PAK6: variants seen among roughly 807,000 people sequenced by gnomAD.
The protein encoded by PAK6 is serine/threonine-protein kinase PAK 6.
A neutral mutation model predicts 60.8 loss-of-function variants in PAK6; 33 were observed. That is an observed-to-expected ratio of 0.54 (90% CI 0.41 to 0.73). PAK6 has a LOEUF of 0.73. PAK6 is among the 30% of genes least tolerant of loss of function. The pLI is 0.00. For missense variants in PAK6, 845 were observed against 904.1 expected (o/e 0.93, Z 0.84); for synonymous variants, 404 against 378.5 (o/e 1.07, Z -0.78).
At chr15:40,253,233 A>G (rs772567813) in exon 3 of PAK6, 1 of 456,070 alleles carries the variant, frequency 2.2e-6, no homozygotes, top group South Asian at 1.5e-5. Context: ...TCAGCGCCTA[A>G]GAGAGAGGCC....
intron 3 of PAK6, among the ~76,000 whole-genome samples, chr15:40,255,428 G>A (rs1306342290): frequency 2.0e-5 from 3 of 152,198 alleles, no homozygotes; most frequent in African/African-American, 4.8e-5. Flanking sequence ...AAGTGGGACA[G>A]CAGAGCCTCA....
At chr15:40,256,345 G>A (rs988519200) in intron 3 of PAK6, among the ~76,000 whole-genome samples, 3 of 152,178 alleles carry the variant, frequency 2.0e-5, no homozygotes, top group Non-Finnish European at 4.4e-5. Context: ...CTCAGCCAAG[G>A]GGTCAGGTGA....
chr15:40,253,124 G>T (rs1267440874), intron 2 of PAK6, 54 bp from the exon 3 acceptor site: 1 of 436,028 alleles, frequency 2.3e-6, no homozygotes, highest in Non-Finnish European at 4.7e-6. Context: ...CGCAACACCC[G>T]CGGGAACACT....
At chr15:40,264,256 A>T (rs1034644250) in intron 3 of PAK6, among the ~76,000 whole-genome samples, 1 of 152,102 alleles carries the variant, frequency 6.6e-6, no homozygotes, top group Non-Finnish European at 1.5e-5. Flanking sequence ...AATAACTTTA[A>T]TATACTGTTG....
rs267604171 is a variant in PAK6, at chr15:40,272,420, C to T, written c.1055C>T (p.Pro352Leu). The change falls in exon 6 of 11, where the codon CCC becomes CTC. Residue 352 changes from proline (P) to leucine (L), a missense_variant. Pro to Leu is a moderately conservative substitution (Grantham distance 98). Coordinates refer to ENST00000560346, the Ensembl canonical transcript of PAK6. The stretch of plus-strand genomic sequence containing the variant: ...GGCCGGTCTTCCCCAGCGGGATCCC[C>T]CCGCACCTGGCACGCCCAGATCAGC... The T allele has an allele frequency of 8.7e-6, 14 of 1,613,514 alleles. No individual in the cohort carries two copies. In the South Asian group the frequency reaches 1.3e-4, roughly 15 times the overall value.
At chr15:40,243,741 G>A (rs543839077) in intron 2 of PAK6, among the ~76,000 whole-genome samples, 25 of 152,320 alleles carry the variant, frequency 1.6e-4, no homozygotes, top group African/African-American at 6.0e-4. Flanking sequence ...CATATTGTTT[G>A]TCCACTGAGG....
intron 2 of PAK6, among the ~76,000 whole-genome samples, chr15:40,243,918 T>C (rs2038426218): frequency 6.6e-6 from 1 of 152,170 alleles, no homozygotes; most frequent in Non-Finnish European, 1.5e-5. Flanking sequence ...CCTAACTGCA[T>C]GAGGAACTGT....
At chr15:40,268,999 T>C (rs1254781442) in intron 5 of PAK6, among the ~76,000 whole-genome samples, 2 of 152,256 alleles carry the variant, frequency 1.3e-5, no homozygotes, top group Non-Finnish European at 1.5e-5. Context: ...CTTGTCAAAG[T>C]GGTAAGCCCT....
chr15:40,269,885 C>T (rs367664154), intron 5 of PAK6, among the ~76,000 whole-genome samples: 3 of 152,248 alleles, frequency 2.0e-5, no homozygotes, highest in African/African-American at 4.8e-5. Context: ...AGCCTGTCCA[C>T]GTGGTACCCA....
chr15:40,264,434 C>T (rs942242528), intron 3 of PAK6: 12 of 478,124 alleles, frequency 2.5e-5, no homozygotes, highest in Admixed American at 1.4e-4. Context: ...TTTTAAAATT[C>T]GTTGACAGAC....
chr15:40,253,139 A>G, intron 2 of PAK6, 39 bp from the exon 3 acceptor site: 3 of 448,126 alleles, frequency 6.7e-6, no homozygotes, highest in Non-Finnish European at 1.3e-5. Context: ...AACACTTGCT[A>G]CATTTGCCAT....
At chr15:40,252,493 T>A (rs1190958343) in intron 2 of PAK6, 12 of 1,363,220 alleles carry the variant, frequency 8.8e-6, no homozygotes, top group Non-Finnish European at 1.2e-5. Flanking sequence ...CTTGGCAACT[T>A]CTCCCGCGCT....
intron 2 of PAK6, among the ~76,000 whole-genome samples, chr15:40,249,315 TG>T (rs910710898): frequency 6.6e-6 from 1 of 150,994 alleles, no homozygotes; most frequent in African/African-American, 2.5e-5. Flanking sequence ...AGATGAATCT[TG>T]GGGGGACACA....
chr15:40,273,055 C>T (rs1384775643), intron 7 of PAK6, 56 bp downstream of exon 7: 2 of 1,592,566 alleles, frequency 1.3e-6, no homozygotes, highest in African/African-American at 2.7e-5. Flanking sequence ...CATGGCCCTG[C>T]CAGGGCAATG....
At chr15:40,265,792 C>A in intron 4 of PAK6, 50 bp from the exon 5 acceptor site, 1 of 1,486,560 alleles carries the variant, frequency 6.7e-7, no homozygotes, top group South Asian at 1.4e-5. Flanking sequence ...GCCACCCCTC[C>A]CTGCCACAAT....
At chr15:40,240,315 C>T (rs1175870412) in intron 1 of PAK6, among the ~76,000 whole-genome samples, 3 of 152,220 alleles carry the variant, frequency 2.0e-5, no homozygotes, top group South Asian at 2.1e-4. Flanking sequence ...GGCCAGGGTA[C>T]GGCTTCCCCA....
rs141525742 is a variant in PAK6, at chr15:40,255,882, G to A, written c.-6+2593G>A. On this transcript the variant is annotated intron_variant, in intron 3 of 10. Coordinates refer to ENST00000560346, the Ensembl canonical transcript of PAK6. ...TGGGCCAAGGGGAAGGTCAGACCCC[G>A]TCAGGAGTGCCACAGATCCTGCACT... is the stretch of plus-strand genomic sequence containing the variant. 2.8e-3 allele frequency among the ~76,000 whole-genome samples: 422 copies of A among 152,272 alleles called. 1 individual carries two copies. Among genetic ancestry groups the A allele is most frequent in the African/African-American group, 9.6e-3 (398 of 41,548 alleles).
intron 4 of PAK6, 65 bp from the exon 5 acceptor site, chr15:40,265,777 T>TTC: frequency 1.4e-6 from 2 of 1,445,926 alleles, no homozygotes; most frequent in Non-Finnish European, 9.2e-7. Context: ...GACCCTGATC[T>TTC]CCCAGCCACC....
At chr15:40,256,066 C>A (rs999393385) in intron 3 of PAK6, among the ~76,000 whole-genome samples, 1 of 152,018 alleles carries the variant, frequency 6.6e-6, no homozygotes, top group Non-Finnish European at 1.5e-5. Flanking sequence ...TAAAGGAATA[C>A]TATAATTTCC....
Sources: allele counts gnomAD v4.1 joint callset (sites outside exome capture counted in the v4.1 genomes callset), GRCh38; gene constraint gnomAD v4.1.1; transcripts MANE v1.5; gene names NCBI Gene and HGNC (gene_info 2026-07-23, HGNC 2026-07-21).